The following UBE2D2 variants were observed in gnomAD, a reference collection of about 807,000 sequenced individuals.
UBE2D2 encodes the protein ubiquitin-conjugating enzyme E2 D2.
UBE2D2 carries 2 observed loss-of-function variants against 24.2 expected under a neutral mutation model. That is an observed-to-expected ratio of 0.08 (90% CI 0.03 to 0.26). UBE2D2 has a LOEUF of 0.26. UBE2D2 is among the 10% of genes least tolerant of loss of function. UBE2D2 has a pLI of 1.00. For missense variants in UBE2D2, 44 were observed against 177.6 expected, an observed-to-expected ratio of 0.25 and a Z score of 4.28; for synonymous variants, 58 against 56.5, an observed-to-expected ratio of 1.03 and a Z score of -0.12.
At chr5:139,623,849 G>A (rs897601903) in intron 6 of UBE2D2, among the ~76,000 whole-genome samples, 21 of 151,994 alleles carry the variant, frequency 1.4e-4, no homozygotes, top group African/African-American at 4.6e-4. Context: ...AGGCCACCAC[G>A]CCAGGTTCGT....
intron 1 of UBE2D2, among the ~76,000 whole-genome samples, chr5:139,550,526 G>GC (rs1491317986): frequency 3.3e-5 from 5 of 152,286 alleles, no homozygotes; most frequent in South Asian, 2.1e-4. Context: ...CAGGCTGCCT[G>GC]CGCTAGTAGT....
At chr5:139,549,639 A>G (rs1285509572) in intron 1 of UBE2D2, among the ~76,000 whole-genome samples, 1 of 152,206 alleles carries the variant, frequency 6.6e-6, no homozygotes, top group Non-Finnish European at 1.5e-5. Context: ...CTACACCGTG[A>G]GCTCGCGGGG....
chr5:139,618,273 C>T (rs1221553089), intron 5 of UBE2D2, among the ~76,000 whole-genome samples: 1 of 152,046 alleles, frequency 6.6e-6, no homozygotes, highest in African/African-American at 2.4e-5. Context: ...TGCTCCTGGC[C>T]ACAAATTAAT....
At chr5:139,532,617 C>G (rs1337126981) in intron 1 of UBE2D2, among the ~76,000 whole-genome samples, 1 of 151,940 alleles carries the variant, frequency 6.6e-6, no homozygotes, top group Non-Finnish European at 1.5e-5. Flanking sequence ...TCCCAAAATG[C>G]TGGGATTACA....
chr5:139,617,659 A>T (rs1754444516), intron 5 of UBE2D2, among the ~76,000 whole-genome samples: 1 of 152,164 alleles, frequency 6.6e-6, no homozygotes, highest in Admixed American at 6.6e-5. Context: ...ACAGGAAGCA[A>T]CATAGTTTCA....
chr5:139,563,777 C>CA (rs925772644), intron 1 of UBE2D2, among the ~76,000 whole-genome samples: 15 of 151,694 alleles, frequency 9.9e-5, no homozygotes, highest in East Asian at 1.9e-4. Context: ...CTAAAATATA[C>CA]AAAAAAAACT....
intron 1 of UBE2D2, among the ~76,000 whole-genome samples, chr5:139,589,280 C>T (rs561336615): frequency 3.9e-5 from 6 of 152,082 alleles, no homozygotes; most frequent in Admixed American, 6.6e-5. Context: ...AAAAATAGCC[C>T]GGGCACGGTG....
chr5:139,615,000 A>G (rs1317822689), intron 5 of UBE2D2, 34 bp downstream of exon 5: 5 of 1,546,332 alleles, frequency 3.2e-6, no homozygotes, highest in Non-Finnish European at 4.4e-6. Context: ...AGATAAAGCA[A>G]CCGTGTCTTT....
intron 1 of UBE2D2, among the ~76,000 whole-genome samples, chr5:139,593,840 T>C (rs533453697): frequency 6.6e-6 from 1 of 152,240 alleles, no homozygotes; most frequent in East Asian, 1.9e-4. Flanking sequence ...GGTCTGGAGC[T>C]CCTGGCCTCA....
At chr5:139,559,122 T>A (rs1440879498), upstream of UBE2D2, among the ~76,000 whole-genome samples, 1 of 151,762 alleles carries the variant, frequency 6.6e-6, no homozygotes, top group Non-Finnish European at 1.5e-5. Flanking sequence ...TTACTGAGAA[T>A]AACTTTAAAA....
rs189986759 is a variant in UBE2D2, at chr5:139,573,256, C to T, written c.24+11441C>T. ...GGCGGAACTTGCAGTGAGCCGAGAT[C>T]GCACCACTGTACTCCAGCCTGGACG... On this transcript the variant is annotated intron_variant, in intron 1 of 6. Coordinates refer to ENST00000398733, the MANE Select transcript of UBE2D2 (RefSeq NM_003339.3). 6.7e-5 allele frequency among the ~76,000 whole-genome samples: 10 copies of T among 149,352 alleles called. No individual in the cohort carries two copies. The East Asian group carries it at 1.4e-3, about 21-fold the overall frequency.
At chr5:139,576,860 A>G (rs1465417858) in intron 1 of UBE2D2, among the ~76,000 whole-genome samples, 1 of 151,218 alleles carries the variant, frequency 6.6e-6, no homozygotes, top group African/African-American at 2.4e-5. Context: ...GGAATGTTCA[A>G]GGGAGCCACA....
chr5:139,544,474 T>G (rs1467284096), intron 1 of UBE2D2, among the ~76,000 whole-genome samples: 1 of 151,400 alleles, frequency 6.6e-6, no homozygotes, highest in Non-Finnish European at 1.5e-5. Flanking sequence ...TACTTTTAGT[T>G]GAGACAGGGT....
upstream of UBE2D2, among the ~76,000 whole-genome samples, chr5:139,558,912 C>G (rs925915681): frequency 1.3e-5 from 2 of 152,012 alleles, no homozygotes; most frequent in African/African-American, 4.8e-5. Context: ...GCTATCCTCC[C>G]CACCTCAGCC....
intron 1 of UBE2D2, among the ~76,000 whole-genome samples, chr5:139,528,757 C>T (rs1168117409): frequency 6.6e-6 from 1 of 152,216 alleles, no homozygotes; most frequent in Non-Finnish European, 1.5e-5. Flanking sequence ...TGCCACCTTG[C>T]TCCCCGTATC....
At chr5:139,541,155 G>A (rs1752755836) in intron 1 of UBE2D2, among the ~76,000 whole-genome samples, 3 of 151,252 alleles carry the variant, frequency 2.0e-5, no homozygotes, top group East Asian at 1.9e-4. Flanking sequence ...AAAATTAGCT[G>A]GGCGTGGTAG....
At position 139,561,498 on chromosome 5, in the gene UBE2D2, A is replaced by AGGAGGCGGCGCTGATCCTG. The variant is rs1348369895; in HGVS notation, c.-288_-270dup. The AGGAGGCGGCGCTGATCCTG allele has an allele frequency of 1.8e-5, 7 of 381,032 alleles. No individual in the cohort carries two copies. The highest frequency in any genetic ancestry group is 6.9e-4 in the Middle Eastern group (1 of 1,448). 23.6% of individuals were successfully genotyped at this position (381,032 alleles called of 1,614,324 possible). A position where few individuals can be genotyped will look rare whatever the true frequency, so the allele number is the denominator to read the frequency against. On this transcript the variant is annotated 5_prime_UTR_variant, in exon 1 of 7. Coordinates refer to ENST00000398733, the MANE Select transcript of UBE2D2 (RefSeq NM_003339.3). ...CTGGCGGAGGGATCTGCGGCGGTTTAGGAGGCGGCGCTGATCCTGGGAGGA... is the reference window on the plus strand; with the variant it reads ...CTGGCGGAGGGATCTGCGGCGGTTTAGGAGGCGGCGCTGATCCTGGGAGGCGGCGCTGATCCTGGGAGGA...
intron 2 of UBE2D2, among the ~76,000 whole-genome samples, chr5:139,601,474 G>T (rs916751680): frequency 6.6e-6 from 1 of 152,136 alleles, no homozygotes; most frequent in Non-Finnish European, 1.5e-5. Context: ...CGGGTATGTT[G>T]GTGCATGCTG....
intron 5 of UBE2D2, among the ~76,000 whole-genome samples, chr5:139,616,903 C>G (rs1754432626): frequency 6.6e-6 from 1 of 152,102 alleles, no homozygotes; most frequent in Non-Finnish European, 1.5e-5. Context: ...TGACCCTGGC[C>G]AGGCATAGTG....
Sources: allele counts gnomAD v4.1 joint callset (sites outside exome capture counted in the v4.1 genomes callset), GRCh38; gene constraint gnomAD v4.1.1; transcripts MANE v1.5; gene names NCBI Gene and HGNC (gene_info 2026-07-23, HGNC 2026-07-21).